The following ANAPC1 variants were observed in gnomAD, a reference collection of about 807,000 sequenced individuals.
ANAPC1 encodes the protein anaphase promoting complex subunit 1, also known as anaphase-promoting complex subunit 1.
A neutral mutation model predicts 208.0 loss-of-function variants in ANAPC1; 36 were observed. The ratio of observed to expected loss-of-function variants is 0.17; its 90% CI spans 0.13 to 0.23. The LOEUF (loss-of-function observed/expected upper bound fraction) is 0.23. Ranked by LOEUF, ANAPC1 falls within the 10% of genes least tolerant of loss-of-function variation. The pLI is 1.00. For synonymous variants in ANAPC1, 378 were observed against 695.2 expected (o/e 0.54, Z 7.18); for missense variants, 942 against 2,011.6 (o/e 0.47, Z 10.17).
chr2:111,799,373 C>T (rs1381469391), intron 34 of ANAPC1, among the ~76,000 whole-genome samples: 2 of 152,208 alleles, frequency 1.3e-5, no homozygotes, highest in African/African-American at 4.8e-5. Context: ...GGTACAGCTG[C>T]TTTGGGAAAA....
intron 24 of ANAPC1, 121 bp downstream of exon 24, chr2:111,824,845 C>T (rs1355685793): frequency 1.3e-5 from 14 of 1,040,074 alleles, no homozygotes; most frequent in Non-Finnish European, 1.8e-5. Context: ...CTTGATGAAC[C>T]ATAATCTCAA....
chr2:111,828,602 T>C (rs1558697838), intron 21 of ANAPC1, among the ~76,000 whole-genome samples: 1 of 152,246 alleles, frequency 6.6e-6, no homozygotes, highest in Non-Finnish European at 1.5e-5. Flanking sequence ...GAATACTATA[T>C]AGAATACTGC....
At chr2:111,853,395 T>C (rs1237693310) in intron 13 of ANAPC1, among the ~76,000 whole-genome samples, 2 of 152,168 alleles carry the variant, frequency 1.3e-5, no homozygotes, top group African/African-American at 2.4e-5. Flanking sequence ...CCCACTTTCT[T>C]TGCTCATCCA....
chr2:111,821,920 AAAC>A (rs1679558378), intron 25 of ANAPC1, among the ~76,000 whole-genome samples: 4 of 152,122 alleles, frequency 2.6e-5, no homozygotes, highest in Admixed American at 2.6e-4. Context: ...CTACTGAAAA[AAAC>A]ACATTTTTTC....
At chr2:111,819,993 CT>C (rs1328341486) in intron 26 of ANAPC1, among the ~76,000 whole-genome samples, 1 of 152,150 alleles carries the variant, frequency 6.6e-6, no homozygotes, top group Non-Finnish European at 1.5e-5. Flanking sequence ...TTCACTTCAA[CT>C]TTGCGCAAGT....
chr2:111,783,330 G>T (rs148128256), intron 42 of ANAPC1, among the ~76,000 whole-genome samples: 3,282 of 152,172 alleles, frequency 0.022, 106 homozygotes, highest in African/African-American at 0.074. Context: ...TGGATCATGG[G>T]GGCAGATTTC....
chr2:111,792,624 G>A, intron 37 of ANAPC1, 69 bp from the exon 38 acceptor site: 1 of 1,442,534 alleles, frequency 6.9e-7, no homozygotes, highest in Non-Finnish European at 9.4e-7. Context: ...AACTAGCTTA[G>A]CCATCATTAG....
At chr2:111,839,521 AACTC>A (rs1680645231) in intron 17 of ANAPC1, among the ~76,000 whole-genome samples, 1 of 152,184 alleles carries the variant, frequency 6.6e-6, no homozygotes, top group Non-Finnish European at 1.5e-5. Flanking sequence ...CATATTTATC[AACTC>A]ACTCACCTAA....
intron 13 of ANAPC1, among the ~76,000 whole-genome samples, chr2:111,855,428 C>A (rs1241414749): frequency 6.6e-6 from 1 of 151,814 alleles, no homozygotes; most frequent in Admixed American, 6.6e-5. Context: ...TTGCCACAAA[C>A]CTTCAATCTG....
intron 29 of ANAPC1, among the ~76,000 whole-genome samples, chr2:111,808,616 T>C (rs987142930): frequency 1.5e-4 from 23 of 152,208 alleles, no homozygotes; most frequent in African/African-American, 5.3e-4. Context: ...GAGTTTTAAG[T>C]GCAGGCCACT....
At chr2:111,797,680 G>A (rs1678231659) in intron 34 of ANAPC1, among the ~76,000 whole-genome samples, 1 of 151,614 alleles carries the variant, frequency 6.6e-6, no homozygotes, top group Admixed American at 6.6e-5. Flanking sequence ...ACTATCTATG[G>A]CAGGGGTCGG....
At chr2:111,829,474 G>C (rs1400927913) in intron 21 of ANAPC1, among the ~76,000 whole-genome samples, 1 of 152,034 alleles carries the variant, frequency 6.6e-6, no homozygotes, top group African/African-American at 2.4e-5. Flanking sequence ...CTGCAAGCCT[G>C]GGAAGACCCC....
At chr2:111,870,818 T>C (rs1196944455) in intron 6 of ANAPC1, among the ~76,000 whole-genome samples, 5 of 152,248 alleles carry the variant, frequency 3.3e-5, no homozygotes, top group African/African-American at 7.2e-5. Context: ...AGAATTTTTA[T>C]GGTTTCAGGG....
intron 38 of ANAPC1, among the ~76,000 whole-genome samples, chr2:111,790,376 A>G (rs896529837): frequency 3.9e-5 from 6 of 152,380 alleles, no homozygotes; most frequent in Admixed American, 3.3e-4. Context: ...ACTCAACTGG[A>G]TAACAAGACT....
chr2:111,783,911 TC>T lies in ANAPC1; in HGVS notation c.5048del (p.Gly1683GlufsTer5), dbSNP rs1473843742. The T allele has an allele frequency of 1.3e-6, 1 of 792,058 alleles. No individual in the cohort carries two copies. Among genetic ancestry groups the T allele is most frequent in the Non-Finnish European group, 2.1e-6 (1 of 469,602 alleles). The allele number at this position is 792,058 out of a possible 1,614,324, so 49.1% of individuals were successfully genotyped here. A position where few individuals can be genotyped will look rare whatever the true frequency, so the allele number is the denominator to read the frequency against. On this transcript the variant is annotated frameshift_variant, in exon 42 of 48. Transcript: ENST00000341068. LOFTEE classifies it high-confidence loss of function. ...AATGTACTTACTTCAAGTGTTGTGTTCCTTTGCTTAAATCTATGAGCAGTTC... is the reference window on the plus strand; with the variant it reads ...AATGTACTTACTTCAAGTGTTGTGTTCTTTGCTTAAATCTATGAGCAGTTC... The part of the protein sequence containing the change: ...YWELLIDLSK[G>X]TQHLKSILSK...
chr2:111,826,671 T>TC (rs1353245971), intron 21 of ANAPC1, among the ~76,000 whole-genome samples: 127 of 144,714 alleles, frequency 8.8e-4, no homozygotes, highest in Admixed American at 3.8e-3. Flanking sequence ...ATTTATTTTT[T>TC]TTTTTTTTGA....
At chr2:111,852,374 C>T (rs920802049) in intron 13 of ANAPC1, among the ~76,000 whole-genome samples, 29 of 151,730 alleles carry the variant, frequency 1.9e-4, no homozygotes, top group Non-Finnish European at 3.1e-4. Flanking sequence ...AGACAAAACA[C>T]GCCCTAAGAA....
chr2:111,862,932 A>C (rs891913961), intron 9 of ANAPC1, among the ~76,000 whole-genome samples: 3 of 152,070 alleles, frequency 2.0e-5, no homozygotes, highest in East Asian at 1.9e-4. Flanking sequence ...TCAACAAAAC[A>C]ATGTCCCTGT....
At chr2:111,785,504 G>C (rs769212574) in intron 39 of ANAPC1, 27 bp from the exon 40 acceptor site, 9 of 931,434 alleles carry the variant, frequency 9.7e-6, no homozygotes, top group Middle Eastern at 2.3e-4. Flanking sequence ...CAGAGAGTGG[G>C]TAACAAACAA....
Sources: allele counts gnomAD v4.1 joint callset (sites outside exome capture counted in the v4.1 genomes callset), GRCh38; gene constraint gnomAD v4.1.1; transcripts MANE v1.5; gene names NCBI Gene and HGNC (gene_info 2026-07-23, HGNC 2026-07-21).